The following DSC1 variants were observed in gnomAD, a reference collection of about 807,000 sequenced individuals.
DSC1 encodes desmocollin-1.
DSC1 carries 79 observed loss-of-function variants against 98.8 expected under a neutral mutation model. The ratio of observed to expected loss-of-function variants is 0.80; its 90% CI spans 0.67 to 0.96. The LOEUF is 0.96. DSC1 is among the 50% of genes least tolerant of loss of function. DSC1 has a pLI of 0.00. For synonymous variants in DSC1, 405 were observed against 372.1 expected, an observed-to-expected ratio of 1.09 and a Z score of -1.02; for missense variants, 1,115 against 1,075.9, an observed-to-expected ratio of 1.04 and a Z score of -0.51.
chr18:31,161,412 T>A (rs1462993600), intron 1 of DSC1, among the ~76,000 whole-genome samples: 1 of 151,974 alleles, frequency 6.6e-6, no homozygotes, highest in Non-Finnish European at 1.5e-5. Flanking sequence ...TATAGTTATA[T>A]CCACACTTCC....
rs1310779892 is a variant in DSC1, at chr18:31,162,752, A to G, written c.-158T>C. On this transcript the variant is annotated 5_prime_UTR_variant, in exon 1 of 16. Coordinates refer to ENST00000257198, the MANE Select transcript of DSC1 (RefSeq NM_024421.2). Reference sequence around the variant, plus strand: ...GAAGACAGTCCGGAGGCAAGTGATAAACAGTAGGAGGAGCAACGGGAGAAT... The same window carrying G: ...GAAGACAGTCCGGAGGCAAGTGATAGACAGTAGGAGGAGCAACGGGAGAAT... 1.6e-6 allele frequency: 1 copy of G among 622,002 alleles called. No individual in the cohort carries two copies. Among genetic ancestry groups the G allele is most frequent in the Admixed American group, 2.8e-5 (1 of 35,382 alleles). The allele number at this position is 622,002 out of a possible 1,614,324, so 38.5% of individuals were successfully genotyped here.
intron 5 of DSC1, among the ~76,000 whole-genome samples, chr18:31,152,174 A>AC (rs1044363510): frequency 4.0e-5 from 6 of 151,800 alleles, no homozygotes; most frequent in African/African-American, 1.5e-4. Flanking sequence ...AAAAACAACA[A>AC]AAAAAAACAA....
intron 2 of DSC1, 140 bp downstream of exon 2, chr18:31,159,305 G>A (rs562919073): frequency 7.6e-6 from 5 of 657,220 alleles, no homozygotes; most frequent in Admixed American, 6.1e-5. Context: ...CACCCGCCTC[G>A]GCCTCCCAAA....
At chr18:31,150,697 C>T (rs1028498948) in intron 5 of DSC1, 1 of 152,574 alleles carries the variant, frequency 6.6e-6, no homozygotes, top group South Asian at 2.1e-4. Flanking sequence ...AAATCCTTCC[C>T]TTTCTCTTCG....
chr18:31,130,815 C>A (rs1396570348), intron 15 of DSC1, 104 bp from the exon 16 acceptor site: 19 of 1,612,542 alleles, frequency 1.2e-5, no homozygotes, highest in Non-Finnish European at 1.6e-5. Flanking sequence ...AATTTTTAAT[C>A]AGAGTGTGTC....
chr18:31,146,677 G>A (rs1186650308), intron 6 of DSC1, among the ~76,000 whole-genome samples: 2 of 152,032 alleles, frequency 1.3e-5, no homozygotes, highest in Non-Finnish European at 2.9e-5. Context: ...CTTTCCACAG[G>A]GGCTGAACTA....
intron 1 of DSC1, 48 bp from the exon 2 acceptor site, chr18:31,159,577 A>C: frequency 6.6e-7 from 1 of 1,505,858 alleles, no homozygotes; most frequent in Non-Finnish European, 9.0e-7. Context: ...TTTGATCACA[A>C]ATTTTCACAT....
chr18:31,157,580 G>A lies in DSC1; in HGVS notation c.149-7C>T. ...AGACACTCCTCCAGATTCACTGCAGGGAAGAAATATCACAGCAGTTTGTCA... is the reference window on the plus strand; with the variant it reads ...AGACACTCCTCCAGATTCACTGCAGAGAAGAAATATCACAGCAGTTTGTCA... On this transcript the variant is annotated splice_region_variant and splice_polypyrimidine_tract_variant and intron_variant, in intron 2 of 15. Coordinates refer to ENST00000257198, the MANE Select transcript of DSC1 (RefSeq NM_024421.2). 6.2e-7 allele frequency: 1 copy of A among 1,613,996 alleles called. No homozygotes were observed. The highest frequency in any genetic ancestry group is 1.6e-4 in the Middle Eastern group (1 of 6,062).
At chr18:31,150,373 C>T (rs201406693) in intron 5 of DSC1, among the ~76,000 whole-genome samples, 192 of 14,728 alleles carry the variant, frequency 0.013, 16 homozygotes, top group East Asian at 0.079. Flanking sequence ...TCACCACCAC[C>T]ATCATCACCA....
chr18:31,144,788 G>C (rs1184798714), intron 7 of DSC1, among the ~76,000 whole-genome samples: 2 of 152,092 alleles, frequency 1.3e-5, no homozygotes, highest in Non-Finnish European at 2.9e-5. Context: ...TGGACTTTAG[G>C]TAATAATGAT....
intron 13 of DSC1, 147 bp downstream of exon 13, chr18:31,133,742 ACT>A: frequency 1.3e-6 from 1 of 769,976 alleles, no homozygotes; most frequent in Non-Finnish European, 1.9e-6. Context: ...TACATTTATC[ACT>A]CAGAGCCCCA....
chr18:31,162,387 G>A, intron 1 of DSC1, 145 bp downstream of exon 1: 1 of 752,644 alleles, frequency 1.3e-6, no homozygotes, highest in African/African-American at 1.7e-5. Context: ...ACTCTTCCCT[G>A]AATCTTCCTC....
At chr18:31,146,929 T>C (rs1346433405) in intron 6 of DSC1, among the ~76,000 whole-genome samples, 1 of 152,202 alleles carries the variant, frequency 6.6e-6, no homozygotes, top group Non-Finnish European at 1.5e-5. Context: ...CTATGTATCA[T>C]TTAGACAAGC....
In DSC1 at chr18:31,154,790, T is replaced by A. The variant is rs761800323; in HGVS notation, c.611A>T (p.Lys204Ile). 6.2e-7 allele frequency: 1 copy of A among 1,611,606 alleles called. No homozygotes were observed. The highest frequency in any genetic ancestry group is 1.1e-5 in the South Asian group (1 of 90,512). ...IFCTRSIDREKYEQFALYGYA... is the reference protein window; with the variant it reads ...IFCTRSIDREIYEQFALYGYA... ...TAATCCTACCGCAAACTGTTCATAT[T>A]TCTCACGGTCAATGCTCCTTGTACA... is the stretch of plus-strand genomic sequence containing the variant. Residue 204 changes from lysine (K) to isoleucine (I), a missense_variant, in exon 5 of 16, where the codon AAA becomes ATA. Coordinates refer to ENST00000257198, the MANE Select transcript of DSC1 (RefSeq NM_024421.2).
rs1479311508 is a variant in DSC1 at position 31,134,736 on chromosome 18, T to C, written c.1712A>G (p.Asn571Ser). The stretch of plus-strand genomic sequence containing the variant: ...TTTGTCAATTTGAGGTGCGTGATCG[T>C]TGTAATCATCCAAATGAACTACTAA... Reference protein sequence around the residue: ...GTLVVHLDDYNDHAPQIDKEV... With the variant: ...GTLVVHLDDYSDHAPQIDKEV... The change falls in exon 12 of 16, where the codon AAC becomes AGC. Residue 571 changes from asparagine to serine, a missense_variant. Physicochemically the swap from Asn to Ser is conservative, Grantham distance 46 (BLOSUM62 1). Coordinates refer to ENST00000257198, the MANE Select transcript of DSC1 (RefSeq NM_024421.2). The C allele has an allele frequency of 1.2e-6, 2 of 1,613,262 alleles. No homozygotes were observed. The highest frequency in any genetic ancestry group is 3.3e-5 in the Admixed American group (2 of 59,886).
chr18:31,151,094 T>A (rs1433212844), intron 5 of DSC1, among the ~76,000 whole-genome samples: 1 of 152,242 alleles, frequency 6.6e-6, no homozygotes, highest in Non-Finnish European at 1.5e-5. Context: ...TAATTTAGAC[T>A]AATTTGTCTT....
intron 6 of DSC1, among the ~76,000 whole-genome samples, chr18:31,148,234 A>G (rs768627499): frequency 7.9e-5 from 12 of 152,216 alleles, no homozygotes; most frequent in Non-Finnish European, 1.6e-4. Flanking sequence ...TGCCAGAATT[A>G]TAAAATCATG....
chr18:31,157,233 C>T, intron 3 of DSC1, 138 bp downstream of exon 3: 3 of 894,352 alleles, frequency 3.4e-6, no homozygotes, highest in Non-Finnish European at 5.1e-6. Context: ...TCTTTATTTA[C>T]ACTAATTGTA....
chr18:31,135,032 G>A (rs951827262), intron 11 of DSC1, among the ~76,000 whole-genome samples: 10 of 152,088 alleles, frequency 6.6e-5, no homozygotes, highest in Non-Finnish European at 1.0e-4. Context: ...TTATGAGGAA[G>A]GTCACTACAG....
Sources: gnomAD v4.1 joint callset for allele counts (sites outside exome capture counted in the v4.1 genomes callset) on GRCh38, gnomAD v4.1.1 for gene constraint, MANE v1.5 for transcripts, NCBI Gene and HGNC (gene_info 2026-07-23, HGNC 2026-07-21) for gene names.